The following DNAJC1 variants were observed in gnomAD, a reference collection of about 807,000 sequenced individuals.
DNAJC1 encodes the protein DnaJ heat shock protein family (Hsp40) member C1, also known as dnaJ homolog subfamily C member 1.
A neutral mutation model predicts 76.6 loss-of-function variants in DNAJC1; 58 were observed. The observed-to-expected ratio is 0.76, with a 90% CI of 0.61 to 0.94. DNAJC1 has a LOEUF of 0.94. Among genes scored for constraint, DNAJC1 ranks in the 40% least tolerant of loss-of-function variants. DNAJC1 has a pLI of 0.00. For missense variants in DNAJC1, 689 were observed against 677.3 expected (o/e 1.02, Z -0.19); for synonymous variants, 258 against 267.9 (o/e 0.96, Z 0.36).
At position 21,759,506 on chromosome 10, in the gene DNAJC1, C is replaced by A. The variant is rs1834216371; in HGVS notation, c.1260G>T (p.Val420=). 2 of 1,614,056 alleles carry A rather than the reference C, an allele frequency of 1.2e-6. No homozygotes were observed. The highest frequency in any genetic ancestry group is 1.7e-6 in the Non-Finnish European group (2 of 1,180,038). ...MITQREDAEG[V]AAEEEQEGDS... ...CTCCCTCCTGCTCCTCCTCCGCTGCCACCCCCTCTGCGTCCTCTCGCTGGG... is the reference window on the plus strand; with the variant it reads ...CTCCCTCCTGCTCCTCCTCCGCTGCAACCCCCTCTGCGTCCTCTCGCTGGG... The change falls in exon 11 of 12, where the codon GTG becomes GTT. Residue 420 remains valine (V), a synonymous_variant. Transcript: ENST00000376980.
intron 7 of DNAJC1, among the ~76,000 whole-genome samples, chr10:21,897,233 A>C (rs887046401): frequency 6.6e-6 from 1 of 152,170 alleles, no homozygotes; most frequent in Non-Finnish European, 1.5e-5. Flanking sequence ...AGCAATAAGA[A>C]TTATATACCA....
chr10:22,000,657 C>G (rs1305642969), intron 1 of DNAJC1, among the ~76,000 whole-genome samples: 2 of 152,158 alleles, frequency 1.3e-5, no homozygotes, highest in Admixed American at 6.5e-5. Context: ...AAATCTAATC[C>G]CCATTGTGAC....
rs181855022 is a variant in DNAJC1 at position 21,950,924 on chromosome 10, C to A, written c.223-21783G>T. Among the ~76,000 whole-genome samples, 423 of 152,214 alleles carry A rather than the reference C, an allele frequency of 2.8e-3. 4 individuals are homozygous for A. The highest frequency in any genetic ancestry group is 9.8e-3 in the African/African-American group (409 of 41,524). ...AGCTAGCAGAAGTTGGATCACGAGG[C>A]TTAAGGAAAGCAGCCATCTCCACAA... is the stretch of plus-strand genomic sequence containing the variant. On this transcript the variant is annotated intron_variant, in intron 1 of 11. Transcript: ENST00000376980.
Position 21,987,674 on chromosome 10 carries a change from C to T in DNAJC1, c.222+15539G>A, listed in dbSNP as rs114343484. ...ACCTTCAATAGATTATAGGTTAAAG[C>T]CTTCAAAATATCCATATGATTTATC... On this transcript the variant is annotated intron_variant, in intron 1 of 11. Transcript: ENST00000376980. Among the ~76,000 whole-genome samples the T allele has an allele frequency of 4.6e-3, 706 of 152,210 alleles. 5 individuals carry two copies. Among genetic ancestry groups the T allele is most frequent in the African/African-American group, 0.016 (665 of 41,532 alleles).
At chr10:21,937,741 A>G (rs1396292863) in intron 1 of DNAJC1, among the ~76,000 whole-genome samples, 1 of 152,198 alleles carries the variant, frequency 6.6e-6, no homozygotes, top group Non-Finnish European at 1.5e-5. Context: ...ATAAATTTAA[A>G]AAGACTGAAA....
intron 1 of DNAJC1, among the ~76,000 whole-genome samples, chr10:21,986,793 A>G (rs570090349): frequency 4.6e-5 from 7 of 152,002 alleles, no homozygotes; most frequent in Admixed American, 3.3e-4. Context: ...TTGAGACAGA[A>G]TCTTGCTCTT....
chr10:21,982,055 T>C (rs1442001126), intron 1 of DNAJC1, among the ~76,000 whole-genome samples: 1 of 152,206 alleles, frequency 6.6e-6, no homozygotes, highest in Non-Finnish European at 1.5e-5. Flanking sequence ...ATGTTTCCTC[T>C]AATCTTCCAT....
chr10:21,925,770 G>A (rs1837117508), intron 3 of DNAJC1, among the ~76,000 whole-genome samples: 2 of 152,218 alleles, frequency 1.3e-5, no homozygotes, highest in African/African-American at 4.8e-5. Context: ...GTAATTGCCT[G>A]GAGCTGGAGA....
chr10:21,842,709 G>A (rs1434930787), intron 8 of DNAJC1, among the ~76,000 whole-genome samples: 1 of 152,168 alleles, frequency 6.6e-6, no homozygotes, highest in Non-Finnish European at 1.5e-5. Context: ...GATGAACAGA[G>A]GATGACGGAG....
At chr10:21,824,202 C>T (rs1423600703) in intron 8 of DNAJC1, among the ~76,000 whole-genome samples, 1 of 152,172 alleles carries the variant, frequency 6.6e-6, no homozygotes, top group Non-Finnish European at 1.5e-5. Flanking sequence ...TTCACTTGCT[C>T]TTCTGAAGGA....
rs192977349 is a variant in DNAJC1 at position 21,846,861 on chromosome 10, A to G, written c.978+35421T>C. Among the ~76,000 whole-genome samples the G allele has an allele frequency of 1.3e-3, 205 of 152,128 alleles. 1 individual carries two copies. The highest frequency in any genetic ancestry group is 2.5e-3 in the Admixed American group (38 of 15,286). ...ATAAACATTTCCATATCAAAGATGA[A>G]AGACAAATGGATAATGACTTTTTTT... On this transcript the variant is annotated intron_variant, in intron 8 of 11. Transcript: ENST00000376980.
At chr10:21,908,391 G>A (rs1836794334) in intron 6 of DNAJC1, among the ~76,000 whole-genome samples, 2 of 146,008 alleles carry the variant, frequency 1.4e-5, no homozygotes, top group African/African-American at 2.5e-5. Context: ...TATGTTCTAA[G>A]GTATGGCTAT....
In DNAJC1 at chr10:21,904,524, T is replaced by C; in HGVS notation, c.818A>G (p.Gln273Arg). ...AAACACTAATGTTTAAAACTCACTTTGAAGTGTTTCAAGTTCAGTTCTAGT... is the reference window on the plus strand; with the variant it reads ...AAACACTAATGTTTAAAACTCACTTCGAAGTGTTTCAAGTTCAGTTCTAGT... ...ALTRTELETLQKQKKVKKPKP... is the reference protein window; with the variant it reads ...ALTRTELETLRKQKKVKKPKP... The change falls in exon 7 of 12, where the codon CAA becomes CGA. Residue 273 changes from glutamine (Q) to arginine (R), a missense_variant and splice_region_variant. Transcript: ENST00000376980. 6.4e-7 allele frequency: 1 copy of C among 1,560,688 alleles called. No homozygotes were observed. Among genetic ancestry groups the C allele is most frequent in the South Asian group, 1.2e-5 (1 of 80,114 alleles).
At chr10:21,810,216 T>A (rs1306041021) in intron 8 of DNAJC1, among the ~76,000 whole-genome samples, 2 of 152,064 alleles carry the variant, frequency 1.3e-5, no homozygotes, top group African/African-American at 4.8e-5. Flanking sequence ...GCCCAACTGG[T>A]TTTTCAAAAT....
chr10:21,773,983 T>C (rs1241456560), intron 9 of DNAJC1, among the ~76,000 whole-genome samples: 1 of 150,064 alleles, frequency 6.7e-6, no homozygotes, highest in Non-Finnish European at 1.5e-5. Flanking sequence ...CTACTAAAAA[T>C]ACAAAAAATT....
intron 3 of DNAJC1, among the ~76,000 whole-genome samples, chr10:21,923,939 T>C (rs774037947): frequency 6.6e-6 from 1 of 152,040 alleles, no homozygotes; most frequent in Non-Finnish European, 1.5e-5. Flanking sequence ...TAAAAATCTG[T>C]ATATTATGAA....
At chr10:21,843,959 G>C (rs912646750) in intron 8 of DNAJC1, among the ~76,000 whole-genome samples, 1 of 152,006 alleles carries the variant, frequency 6.6e-6, no homozygotes, top group African/African-American at 2.4e-5. Context: ...AATCACAGGG[G>C]GAGTTTCCCC....
At chr10:21,939,544 CTA>C (rs748201207) in intron 1 of DNAJC1, among the ~76,000 whole-genome samples, 11 of 152,092 alleles carry the variant, frequency 7.2e-5, no homozygotes, top group Non-Finnish European at 1.3e-4. Flanking sequence ...TGTACCATTT[CTA>C]TGTTTAGATA....
intron 8 of DNAJC1, among the ~76,000 whole-genome samples, chr10:21,870,748 G>A (rs1411319323): frequency 2.6e-5 from 4 of 151,924 alleles, no homozygotes; most frequent in East Asian, 1.9e-4. Context: ...GCACTCCAGC[G>A]TTGGCAACAG....
Sources: allele counts gnomAD v4.1 joint callset (sites outside exome capture counted in the v4.1 genomes callset), GRCh38; gene constraint gnomAD v4.1.1; transcripts MANE v1.5; gene names NCBI Gene and HGNC (gene_info 2026-07-23, HGNC 2026-07-21).